The following ANO1 variants were observed in gnomAD, a reference collection of about 807,000 sequenced individuals.
ANO1 encodes anoctamin-1.
A neutral mutation model predicts 124.0 loss-of-function variants in ANO1; 59 were observed. That is an observed-to-expected ratio of 0.48 (90% CI 0.39 to 0.59). The LOEUF (loss-of-function observed/expected upper bound fraction) is 0.59, where lower values mean the gene tolerates loss of function less well. Ranked by LOEUF, ANO1 falls within the 20% of genes least tolerant of loss-of-function variation. The probability of loss-of-function intolerance (pLI) is 0.00; values close to 1 mark genes in which losing one functional copy is unlikely to be tolerated. For synonymous variants in ANO1, 529 were observed against 532.0 expected (o/e 0.99, Z 0.08); for missense variants, 1,059 against 1,328.0 (o/e 0.80, Z 3.15).
intron 21 of ANO1, chr11:70,169,868 T>C: frequency 4.3e-6 from 1 of 230,312 alleles, no homozygotes; most frequent in Non-Finnish European, 8.9e-6. Context: ...CTGGCTTCCT[T>C]GTTTACCGCC....
chr11:69,993,107 C>T (rs1312093980), intron 1 of ANO1, among the ~76,000 whole-genome samples: 2 of 152,168 alleles, frequency 1.3e-5, no homozygotes, highest in African/African-American at 4.8e-5. Context: ...CCACACAACC[C>T]TGGGAATGCC....
At chr11:70,009,039 C>T (rs1222652474) in intron 1 of ANO1, among the ~76,000 whole-genome samples, 4 of 152,184 alleles carry the variant, frequency 2.6e-5, no homozygotes, top group African/African-American at 9.7e-5. Flanking sequence ...TTAACATTGG[C>T]CCCCGGAGAG....
At position 70,126,169 on chromosome 11, in the gene ANO1, C is replaced by G; in HGVS notation, c.1071C>G (p.Cys357Trp). ...IVGIIVFLYG[C>W]ATMDENIPSM... ...GAATCATTGTCTTCCTGTACGGATG[C>G]GCCACCATGGATGAAAACATCCCCA... Residue 357 changes from cysteine (C) to tryptophan (W), a missense_variant, in exon 10 of 26, where the codon TGC becomes TGG. Transcript: ENST00000355303. 1 of 1,613,164 alleles carries G rather than the reference C, an allele frequency of 6.2e-7. No homozygotes were observed. The highest frequency in any genetic ancestry group is 1.3e-5 in the African/African-American group (1 of 75,040).
intron 9 of ANO1, 74 bp from the exon 10 acceptor site, chr11:70,125,987 G>A: frequency 6.6e-7 from 1 of 1,504,546 alleles, no homozygotes; most frequent in East Asian, 2.4e-5. Flanking sequence ...TCTTGCTGGG[G>A]AGGGCCTGTG....
chr11:70,147,050 T>C (rs1454226287), intron 11 of ANO1, among the ~76,000 whole-genome samples: 1 of 152,218 alleles, frequency 6.6e-6, no homozygotes, highest in Non-Finnish European at 1.5e-5. Flanking sequence ...TCCAATCAAG[T>C]TGACACTCAA....
chr11:70,064,423 T>A (rs562119598), intron 1 of ANO1: 4 of 152,240 alleles, frequency 2.6e-5, no homozygotes, highest in African/African-American at 9.7e-5. Flanking sequence ...TTTTTCTCCT[T>A]TGTTCTTAGT....
chr11:70,003,328 T>C (rs10793106), intron 1 of ANO1, among the ~76,000 whole-genome samples: 74,085 of 152,100 alleles, frequency 0.49, 19,321 homozygotes, highest in East Asian at 0.89. Flanking sequence ...AATATTACAA[T>C]GGTTCAGCCT....
At chr11:70,002,784 G>A (rs1565157934) in intron 1 of ANO1, among the ~76,000 whole-genome samples, 2 of 152,144 alleles carry the variant, frequency 1.3e-5, no homozygotes, top group African/African-American at 4.8e-5. Flanking sequence ...GTTGGAAACG[G>A]CCAACAACCA....
intron 11 of ANO1, among the ~76,000 whole-genome samples, chr11:70,136,369 C>T (rs1205908300): frequency 6.6e-6 from 1 of 152,208 alleles, no homozygotes; most frequent in African/African-American, 2.4e-5. Flanking sequence ...CTGGGTACAG[C>T]ATGGATGTTG....
intron 1 of ANO1, among the ~76,000 whole-genome samples, chr11:70,031,972 C>T (rs1050021747): frequency 1.3e-5 from 2 of 152,026 alleles, no homozygotes; most frequent in African/African-American, 2.4e-5. Flanking sequence ...CACGGTCCAT[C>T]ATTTACTCAC....
intron 1 of ANO1, among the ~76,000 whole-genome samples, chr11:70,071,427 T>C (rs1262911243): frequency 3.3e-5 from 5 of 152,122 alleles, no homozygotes; most frequent in Non-Finnish European, 7.3e-5. Flanking sequence ...AGCCATCCAA[T>C]ATAATTTTCC....
intron 1 of ANO1, among the ~76,000 whole-genome samples, chr11:70,035,843 AG>A (rs1350126315): frequency 1.3e-5 from 2 of 152,120 alleles, no homozygotes; most frequent in Non-Finnish European, 2.9e-5. Context: ...GTCCCTGCAA[AG>A]CATATGGACT....
At chr11:70,010,164 T>TGTGC (rs782616474) in intron 1 of ANO1, among the ~76,000 whole-genome samples, 1 of 61,340 alleles carries the variant, frequency 1.6e-5, no homozygotes, top group African/African-American at 5.5e-5. Context: ...TGTGTGTGTG[T>TGTGC]GCGCGTGTGT....
intron 1 of ANO1, among the ~76,000 whole-genome samples, chr11:70,033,760 C>T (rs1314506340): frequency 3.9e-5 from 6 of 152,078 alleles, no homozygotes; most frequent in South Asian, 2.1e-4. Context: ...CATGGCCATG[C>T]TCATTCATTC....
At chr11:69,984,948 A>G (rs1856006890), upstream of ANO1, among the ~76,000 whole-genome samples, 1 of 152,176 alleles carries the variant, frequency 6.6e-6, no homozygotes, top group African/African-American at 2.4e-5. Context: ...TATGGTATTT[A>G]TCTGGAGATG....
the ANO1 span, among the ~76,000 whole-genome samples, chr11:69,967,144 C>G: frequency 2.6e-5 from 4 of 152,112 alleles, no homozygotes; most frequent in Non-Finnish European, 4.4e-5. Flanking sequence ...GAGAACCACA[C>G]GCTGTCTGTA....
chr11:70,028,310 T>C (rs1224337356), intron 1 of ANO1, among the ~76,000 whole-genome samples: 1 of 152,196 alleles, frequency 6.6e-6, no homozygotes, highest in Non-Finnish European at 1.5e-5. Context: ...TCTCTGATGC[T>C]GAGCTAAGGG....
intron 20 of ANO1, among the ~76,000 whole-genome samples, 197 bp from the exon 21 acceptor site, chr11:70,167,045 G>A (rs993735267): frequency 1.1e-4 from 17 of 152,158 alleles, no homozygotes; most frequent in African/African-American, 4.1e-4. Context: ...TACTCGGGAG[G>A]CTGAGGCAAG....
rs967011872 is a variant in ANO1, at chr11:70,189,003, C to G, written c.*999C>G. The G allele has an allele frequency of 1.3e-5, 2 of 152,314 alleles. No individual in the cohort carries two copies. Among genetic ancestry groups the G allele is most frequent in the Admixed American group, 1.3e-4 (2 of 15,262 alleles). 9.4% of individuals were successfully genotyped at this position (152,314 alleles called of 1,614,324 possible). On this transcript the variant is annotated 3_prime_UTR_variant, in exon 26 of 26. Coordinates refer to ENST00000355303, the MANE Select transcript of ANO1 (RefSeq NM_018043.7). ...TTGAGAGGAATTTAAAATACTGTTACTACCAAAGATTTTTATTAATAAAGG... is the reference window on the plus strand; with the variant it reads ...TTGAGAGGAATTTAAAATACTGTTAGTACCAAAGATTTTTATTAATAAAGG...
Sources: allele counts gnomAD v4.1 joint callset (sites outside exome capture counted in the v4.1 genomes callset), GRCh38; gene constraint gnomAD v4.1.1; transcripts MANE v1.5; gene names NCBI Gene and HGNC (gene_info 2026-07-23, HGNC 2026-07-21).